The following LAMB1 variants were observed in gnomAD, a reference collection of about 807,000 sequenced individuals.
The protein encoded by LAMB1 is laminin subunit beta 1.
Under a neutral mutation model 222.3 loss-of-function variants are expected in LAMB1, and 121 were observed. That is an observed-to-expected ratio of 0.54 (90% confidence interval 0.47 to 0.63). LAMB1 has a LOEUF of 0.63. Among genes scored for constraint, LAMB1 ranks in the 30% least tolerant of loss-of-function variants. The probability of loss-of-function intolerance (pLI) is 0.00; values close to 1 mark genes in which losing one functional copy is unlikely to be tolerated. For synonymous variants in LAMB1, 794 were observed against 807.2 expected, an observed-to-expected ratio of 0.98 and a Z score of 0.28; for missense variants, 2,172 against 2,240.8, an observed-to-expected ratio of 0.97 and a Z score of 0.62.
chr7:107,984,744 A>G (rs2034041439), intron 7 of LAMB1, among the ~76,000 whole-genome samples: 2 of 152,222 alleles, frequency 1.3e-5, no homozygotes, highest in Admixed American at 1.3e-4. Context: ...CAGATAAACA[A>G]CTATTTTTTA....
chr7:107,939,880 G>A, intron 25 of LAMB1, 109 bp downstream of exon 25: 1 of 1,265,350 alleles, frequency 7.9e-7, no homozygotes, highest in Non-Finnish European at 1.1e-6. Context: ...CTCACCCACA[G>A]GACTAACAAA....
At chr7:107,997,227 C>T (rs550785455) in intron 4 of LAMB1, among the ~76,000 whole-genome samples, 34 of 152,102 alleles carry the variant, frequency 2.2e-4, no homozygotes, top group East Asian at 5.8e-4. Context: ...ATTGAGACCA[C>T]CCTGGCTAAC....
Position 107,926,328 on chromosome 7 carries a change from GT to G in LAMB1, c.4918del (p.Thr1640ProfsTer12). ...IESETAASEE[T>X]LFNASQRISE... Reference sequence around the variant, plus strand: ...GATGCGCTGGGACGCGTTGAACAAGGTTTCCTCAGAAGCTGCTGTTTCAGAC... The same window carrying G: ...GATGCGCTGGGACGCGTTGAACAAGGTTCCTCAGAAGCTGCTGTTTCAGAC... On this transcript the variant is annotated frameshift_variant, in exon 32 of 34. Transcript: ENST00000222399. LOFTEE classifies it high-confidence loss of function. 1 of 1,613,874 alleles carries G rather than the reference GT, an allele frequency of 6.2e-7. No individual in the cohort carries two copies. The highest frequency in any genetic ancestry group is 8.5e-7 in the Non-Finnish European group (1 of 1,179,838).
At chr7:107,973,126 A>G in intron 12 of LAMB1, 55 bp from the exon 13 acceptor site, 2 of 1,391,072 alleles carry the variant, frequency 1.4e-6, no homozygotes, top group Non-Finnish European at 2.0e-6. Flanking sequence ...TATGCAACAG[A>G]CTCAGCAACA....
chr7:107,959,924 A>G (rs1428429552), intron 18 of LAMB1, 90 bp from the exon 19 acceptor site: 1 of 1,474,636 alleles, frequency 6.8e-7, no homozygotes, highest in Non-Finnish European at 9.1e-7. Context: ...ACTTTGGATT[A>G]TTCAGAGTTC....
intron 9 of LAMB1, among the ~76,000 whole-genome samples, chr7:107,977,376 A>G (rs2033888455): frequency 6.6e-6 from 1 of 152,192 alleles, no homozygotes; most frequent in African/African-American, 2.4e-5. Flanking sequence ...GAGGTATGCC[A>G]GAGGCCGCAG....
chr7:107,964,823 A>T, intron 13 of LAMB1, 136 bp from the exon 14 acceptor site: 1 of 1,017,318 alleles, frequency 9.8e-7, no homozygotes, highest in Non-Finnish European at 1.4e-6. Context: ...CAGAAAATAC[A>T]TATGTGGAAA....
intron 25 of LAMB1, among the ~76,000 whole-genome samples, chr7:107,939,202 G>A (rs1330749415): frequency 6.6e-6 from 1 of 152,132 alleles, no homozygotes; most frequent in Non-Finnish European, 1.5e-5. Context: ...TGTTTTGGGG[G>A]TTCCTTTTTG....
chr7:107,982,804 A>G (rs561213015), intron 7 of LAMB1, among the ~76,000 whole-genome samples: 2 of 152,374 alleles, frequency 1.3e-5, no homozygotes, highest in East Asian at 3.9e-4. Context: ...AGACAACTAA[A>G]GAGATATTGC....
At position 108,001,638 on chromosome 7, in the gene LAMB1, C is replaced by G. The variant is rs2034386199; in HGVS notation, c.133G>C (p.Gly45Arg). 6.8e-6 allele frequency: 11 copies of G among 1,613,208 alleles called. No individual in the cohort carries two copies. The highest frequency in any genetic ancestry group is 8.5e-6 in the Non-Finnish European group (10 of 1,179,868). The change falls in exon 3 of 34, where the codon GGC becomes CGC. Residue 45 changes from glycine (G) to arginine (R), a missense_variant. Physicochemically the swap from Gly to Arg is moderately radical, Grantham distance 125. Coordinates refer to ENST00000222399, the MANE Select transcript of LAMB1 (RefSeq NM_002291.3). ...GTCACCGAAAGCTTCTGTGCTCGGC[C>G]GATGAGAAGGTCGCCCGTGGCGGGA... Reference protein sequence around the residue: ...CYPATGDLLIGRAQKLSVTST... With the variant: ...CYPATGDLLIRRAQKLSVTST...
At chr7:107,961,711 G>A (rs749161173) in intron 15 of LAMB1, 35 bp from the exon 16 acceptor site, 5 of 1,594,274 alleles carry the variant, frequency 3.1e-6, no homozygotes, top group Middle Eastern at 1.8e-4. Flanking sequence ...AAGATAGTTA[G>A]CCCACCACTG....
rs79701912 is a variant in LAMB1, at chr7:107,986,096, A to C, written c.613-11T>G. The C allele has an allele frequency of 8.7e-5, 140 of 1,612,288 alleles. No individual in the cohort carries two copies. The East Asian group carries it at 3.1e-3, about 36-fold the overall frequency. On this transcript the variant is annotated splice_polypyrimidine_tract_variant and intron_variant, in intron 6 of 33. Transcript: ENST00000222399. ...AGCACGAAATATCACCTAAAAATGGAAACAAGAGTAATTGGTACTTCTGCA... is the reference window on the plus strand; with the variant it reads ...AGCACGAAATATCACCTAAAAATGGCAACAAGAGTAATTGGTACTTCTGCA...
At chr7:107,951,914 C>G (rs1023788201) in intron 23 of LAMB1, 95 bp downstream of exon 23, 8 of 1,036,222 alleles carry the variant, frequency 7.7e-6, no homozygotes, top group Non-Finnish European at 1.1e-5. Context: ...GTGTTTCAAG[C>G]TGTGTGCCCT....
At chr7:107,992,721 C>T (rs989605038) in intron 5 of LAMB1, among the ~76,000 whole-genome samples, 3 of 152,096 alleles carry the variant, frequency 2.0e-5, no homozygotes, top group Non-Finnish European at 4.4e-5. Flanking sequence ...CATGGTGAAA[C>T]CTGCCTCTAC....
At chr7:107,930,983 G>A (rs1240010636) in intron 29 of LAMB1, among the ~76,000 whole-genome samples, 4 of 152,056 alleles carry the variant, frequency 2.6e-5, no homozygotes, top group African/African-American at 9.7e-5. Context: ...ACTAACTATA[G>A]GTATAATATC....
At position 107,926,293 on chromosome 7, in the gene LAMB1, C is replaced by CT. The variant is rs1300666467; in HGVS notation, c.4953dup (p.Glu1652ArgfsTer8). 1.9e-6 allele frequency: 3 copies of CT among 1,614,048 alleles called. No individual in the cohort carries two copies. The highest frequency in any genetic ancestry group is 2.5e-6 in the Non-Finnish European group (3 of 1,179,918). On this transcript the variant is annotated frameshift_variant, in exon 32 of 34. Coordinates refer to ENST00000222399, the MANE Select transcript of LAMB1 (RefSeq NM_002291.3). LOFTEE classifies it high-confidence loss of function. ...CGCTTAAGTTCTTCCACATTCCTCTCTAACTCGCTGATGCGCTGGGACGCG... is the reference window on the plus strand; with the variant it reads ...CGCTTAAGTTCTTCCACATTCCTCTCTTAACTCGCTGATGCGCTGGGACGCG...
rs374245297 is a variant in LAMB1 at position 107,923,965 on chromosome 7, T to G, written c.5347A>C (p.Ser1783Arg). The change falls in exon 34 of 34, where the codon AGC becomes CGC. Residue 1783 changes from serine (S) to arginine (R), a missense_variant. Coordinates refer to ENST00000222399, the MANE Select transcript of LAMB1 (RefSeq NM_002291.3). ...ATTCTCCTCTGTTACAAGCATGTGC[T>G]ATACACAGCAACTTTCTGGCTTATA... ...KDISQKVAVYSTCL is the reference protein window; with the variant it reads ...KDISQKVAVYRTCL The G allele has an allele frequency of 4.3e-6, 7 of 1,609,810 alleles. No individual in the cohort carries two copies. The highest frequency in any genetic ancestry group is 5.9e-6 in the Non-Finnish European group (7 of 1,178,932).
rs376329632 is a variant in LAMB1 at position 107,974,967 on chromosome 7, G to A, written c.1482+19C>T. ...CATCCTCACCAACCACCCATCCCAC[G>A]TAATGAGGATTTACTTACCAGGCAC... On this transcript the variant is annotated intron_variant, in intron 12 of 33. Coordinates refer to ENST00000222399, the MANE Select transcript of LAMB1 (RefSeq NM_002291.3). 146 of 1,381,574 alleles carry A rather than the reference G, an allele frequency of 1.1e-4. No individual in the cohort carries two copies. The highest frequency in any genetic ancestry group is 1.5e-4 in the Admixed American group (9 of 59,674). 85.6% of individuals were successfully genotyped at this position (1,381,574 alleles called of 1,614,324 possible). A position where few individuals can be genotyped will look rare whatever the true frequency, so the allele number is the denominator to read the frequency against.
At chr7:107,941,174 A>G (rs1160148187) in intron 24 of LAMB1, among the ~76,000 whole-genome samples, 1 of 152,230 alleles carries the variant, frequency 6.6e-6, no homozygotes, top group Non-Finnish European at 1.5e-5. Context: ...CGTGCCGTAC[A>G]GGACAAAATG....
Sources: gnomAD v4.1 joint callset for allele counts (sites outside exome capture counted in the v4.1 genomes callset) on GRCh38, gnomAD v4.1.1 for gene constraint, MANE v1.5 for transcripts, NCBI Gene and HGNC (gene_info 2026-07-23, HGNC 2026-07-21) for gene names.